LEMD1: variants seen among roughly 807,000 people sequenced by gnomAD.
LEMD1 encodes the protein LEM domain containing 1, also known as LEM domain-containing protein 1.
LEMD1 carries 18 observed loss-of-function variants against 17.4 expected under a neutral mutation model. The ratio of observed to expected loss-of-function variants is 1.04; its 90% CI spans 0.72 to 1.54. The LOEUF is 1.54. Ranked by LOEUF, LEMD1 falls within the 40% of genes most tolerant of loss-of-function variation. LEMD1 has a pLI of 0.00. For missense variants in LEMD1, 195 were observed against 210.4 expected (o/e 0.93, Z 0.45); for synonymous variants, 88 against 77.8 (o/e 1.13, Z -0.69).
At chr1:205,419,093 C>T in intron 3 of LEMD1, 137 bp downstream of exon 3, 1 of 977,704 alleles carries the variant, frequency 1.0e-6, no homozygotes, top group Non-Finnish European at 1.5e-6. Flanking sequence ...GGCCTATTTT[C>T]CAGGCTTTCT....
chr1:205,433,419 T>C (rs1484628921), intron 1 of LEMD1, among the ~76,000 whole-genome samples: 1 of 152,134 alleles, frequency 6.6e-6, no homozygotes, highest in East Asian at 1.9e-4. Flanking sequence ...GTTGCGCCAC[T>C]GCACTCCAGC....
intron 1 of LEMD1, among the ~76,000 whole-genome samples, chr1:205,434,196 T>C (rs6593940): frequency 7.3e-5 from 11 of 151,360 alleles, no homozygotes; most frequent in Non-Finnish European, 1.3e-4. Context: ...TTCTTTTTTT[T>C]TCTCTCTCTT....
intron 4 of LEMD1, among the ~76,000 whole-genome samples, chr1:205,408,334 C>A (rs1179257543): frequency 2.0e-5 from 3 of 151,880 alleles, no homozygotes; most frequent in African/African-American, 7.3e-5. Flanking sequence ...AGGGTACACA[C>A]ACACACACAC....
At chr1:205,415,189 T>G (rs1665635430) in intron 4 of LEMD1, among the ~76,000 whole-genome samples, 1 of 152,130 alleles carries the variant, frequency 6.6e-6, no homozygotes, top group African/African-American at 2.4e-5. Context: ...GGGAGAAGCA[T>G]GAACACGTCT....
intron 4 of LEMD1, among the ~76,000 whole-genome samples, chr1:205,413,724 C>T (rs1017033361): frequency 2.7e-5 from 4 of 149,464 alleles, no homozygotes; most frequent in African/African-American, 9.9e-5. Flanking sequence ...ACAATCTCGG[C>T]TCATTGCAAC....
chr1:205,384,304 G>C lies in LEMD1; in HGVS notation c.331C>G (p.Pro111Ala). The C allele has an allele frequency of 6.6e-7, 1 of 1,513,950 alleles. No individual in the cohort carries two copies. The highest frequency in any genetic ancestry group is 8.8e-7 in the Non-Finnish European group (1 of 1,130,436). The allele number at this position is 1,513,950 out of a possible 1,614,324, so 93.8% of individuals were successfully genotyped here. ...CATCATTACCTTCTTCCCTTGGAAGGCTTATAATCCAAGCAATAGGTATCT... is the reference window on the plus strand; with the variant it reads ...CATCATTACCTTCTTCCCTTGGAAGCCTTATAATCCAAGCAATAGGTATCT... ...AVDTYCLDYK[P>A]SKGRRWAARA... The change falls in exon 5 of 6, where the codon CCT becomes GCT. Residue 111 changes from proline to alanine, a missense_variant. Transcript: ENST00000367153.
intron 1 of LEMD1, among the ~76,000 whole-genome samples, chr1:205,443,617 G>C (rs905334662): frequency 6.6e-6 from 1 of 152,162 alleles, no homozygotes; most frequent in Non-Finnish European, 1.5e-5. Flanking sequence ...AGAGTAGAAA[G>C]TATCATAAAC....
At chr1:205,446,179 T>C (rs956468410) in intron 1 of LEMD1, among the ~76,000 whole-genome samples, 3 of 152,240 alleles carry the variant, frequency 2.0e-5, no homozygotes, top group African/African-American at 4.8e-5. Flanking sequence ...TGAACAATCA[T>C]GTGAAATATA....
chr1:205,448,485 C>T lies in LEMD1; in HGVS notation c.-39+1383G>A. ...CACTCCCCTTCTCAGCACCCCCGACCCCAGACCCACCCACACTGCCTCCCT... is the reference window on the plus strand; with the variant it reads ...CACTCCCCTTCTCAGCACCCCCGACTCCAGACCCACCCACACTGCCTCCCT... On this transcript the variant is annotated intron_variant, in intron 1 of 3. Transcript: ENST00000367154. The surrounding 1 kb of genome is among the most constrained non-coding windows in gnomAD (Gnocchi z 4.7). The T allele has an allele frequency of 2.1e-6, 1 of 477,102 alleles. No homozygotes were observed. Among genetic ancestry groups the T allele is most frequent in the East Asian group, 6.1e-5 (1 of 16,296 alleles). The allele number at this position is 477,102 out of a possible 1,614,324, so 29.6% of individuals were successfully genotyped here.
At chr1:205,443,909 G>A (rs1666339004) in intron 1 of LEMD1, among the ~76,000 whole-genome samples, 1 of 152,158 alleles carries the variant, frequency 6.6e-6, no homozygotes, top group Non-Finnish European at 1.5e-5. Context: ...CCCTCTGCCA[G>A]GCTGTGGTCT....
At chr1:205,398,069 G>A (rs1000098682) in intron 4 of LEMD1, among the ~76,000 whole-genome samples, 1 of 152,150 alleles carries the variant, frequency 6.6e-6, no homozygotes, top group Non-Finnish European at 1.5e-5. Context: ...TATCTACCAG[G>A]AGGTCAATAT....
At chr1:205,406,512 G>T (rs959996854) in intron 4 of LEMD1, among the ~76,000 whole-genome samples, 11 of 152,362 alleles carry the variant, frequency 7.2e-5, no homozygotes, top group South Asian at 2.1e-4. Context: ...CTCACATCCA[G>T]GTGTGGGATA....
Position 205,444,126 on chromosome 1 carries a change from C to G in LEMD1, c.-39+5742G>C, listed in dbSNP as rs1233296373. Among the ~76,000 whole-genome samples, 3 of 152,234 alleles carry G rather than the reference C, an allele frequency of 2.0e-5. No homozygotes were observed. The South Asian group carries it at 6.2e-4, about 32-fold the overall frequency. ...GAGCTCATCATGGGAACTCCCCTCC[C>G]ATCCTCCCCCTCCTTTTCCATGCCC... On this transcript the variant is annotated intron_variant, in intron 1 of 3. Coordinates refer to the LEMD1 transcript ENST00000367154.
chr1:205,445,152 G>A (rs912869887), intron 1 of LEMD1, among the ~76,000 whole-genome samples: 21 of 152,134 alleles, frequency 1.4e-4, no homozygotes, highest in African/African-American at 4.6e-4. Context: ...AATTAAAAAC[G>A]AAGGGGGTGA....
intron 4 of LEMD1, among the ~76,000 whole-genome samples, chr1:205,392,861 C>A (rs1044942235): frequency 3.3e-5 from 5 of 152,170 alleles, no homozygotes; most frequent in African/African-American, 1.2e-4. Context: ...CAAGAAGCTG[C>A]ATGAACCCAA....
At chr1:205,430,199 T>C (rs1456025439) in intron 1 of LEMD1, among the ~76,000 whole-genome samples, 1 of 152,208 alleles carries the variant, frequency 6.6e-6, no homozygotes, top group Non-Finnish European at 1.5e-5. Context: ...CAAGTCATTC[T>C]CTCTGCTGCT....
At chr1:205,434,808 G>C (rs977550287) in intron 1 of LEMD1, 1 of 152,174 alleles carries the variant, frequency 6.6e-6, no homozygotes, top group Admixed American at 6.5e-5. Context: ...AGCTTCTGCT[G>C]CTGCAGTGTA....
At chr1:205,388,456 A>G (rs914200129) in intron 4 of LEMD1, among the ~76,000 whole-genome samples, 4 of 152,078 alleles carry the variant, frequency 2.6e-5, no homozygotes, top group African/African-American at 9.7e-5. Context: ...CCCAAAGTGC[A>G]GGGATTACAA....
At chr1:205,446,773 G>A (rs1666395931) in intron 1 of LEMD1, among the ~76,000 whole-genome samples, 1 of 152,200 alleles carries the variant, frequency 6.6e-6, no homozygotes, top group Non-Finnish European at 1.5e-5. Flanking sequence ...CTCTGGGTGA[G>A]AGAACCCAGA....
Sources: gnomAD v4.1 joint callset for allele counts (sites outside exome capture counted in the v4.1 genomes callset) on GRCh38, gnomAD v4.1.1 for gene constraint, Gnocchi (gnomAD v3.1) non-coding constraint, MANE v1.5 for transcripts, NCBI Gene and HGNC (gene_info 2026-07-23, HGNC 2026-07-21) for gene names.